Variants in RNF185 observed in about 807,000 individuals in gnomAD.
RNF185 encodes ring finger protein 185, also known as E3 ubiquitin-protein ligase RNF185.
In RNF185, 13 loss-of-function variants were observed where a neutral mutation model predicts 24.9. The ratio of observed to expected loss-of-function variants is 0.52; its 90% confidence interval spans 0.34 to 0.83. RNF185 has a LOEUF of 0.83. Among genes scored for constraint, RNF185 ranks in the 40% least tolerant of loss-of-function variants. The probability of loss-of-function intolerance (pLI) is 0.01; values close to 1 mark genes in which losing one functional copy is unlikely to be tolerated. For missense variants in RNF185, 184 were observed against 244.7 expected, an observed-to-expected ratio of 0.75 and a Z score of 1.65; for synonymous variants, 79 against 90.3, an observed-to-expected ratio of 0.88 and a Z score of 0.71.
intron 3 of RNF185, among the ~76,000 whole-genome samples, chr22:31,193,326 T>C (rs1012607796): frequency 2.0e-5 from 3 of 152,196 alleles, no homozygotes; most frequent in Non-Finnish European, 4.4e-5. Context: ...GGAACAGGGC[T>C]GCACATTCTG....
At chr22:31,182,353 T>C (rs1318128131) in intron 1 of RNF185, among the ~76,000 whole-genome samples, 3 of 152,120 alleles carry the variant, frequency 2.0e-5, no homozygotes, top group Non-Finnish European at 4.4e-5. Flanking sequence ...AGTGGTATAA[T>C]CTTGGCTCAC....
At chr22:31,176,969 G>C (rs1363806920) in intron 1 of RNF185, among the ~76,000 whole-genome samples, 1 of 152,170 alleles carries the variant, frequency 6.6e-6, no homozygotes, top group African/African-American at 2.4e-5. Flanking sequence ...GGAGCCCTTT[G>C]GAAGGTTAGG....
chr22:31,165,550 G>A (rs1204811050), intron 1 of RNF185, among the ~76,000 whole-genome samples: 1 of 152,194 alleles, frequency 6.6e-6, no homozygotes, highest in Admixed American at 6.5e-5. Context: ...GGCAATGCCA[G>A]TATGTCCCTG....
intron 1 of RNF185, among the ~76,000 whole-genome samples, chr22:31,177,001 A>G (rs1168573913): frequency 6.6e-6 from 1 of 152,144 alleles, no homozygotes; most frequent in Non-Finnish European, 1.5e-5. Flanking sequence ...TAGGTACCCT[A>G]TAGGGTATGT....
chr22:31,168,348 C>T (rs2079431), intron 1 of RNF185, among the ~76,000 whole-genome samples: 120,481 of 152,168 alleles, frequency 0.79, 48,641 homozygotes, highest in African/African-American at 0.95. Flanking sequence ...GACTGACTTA[C>T]TTCACCTAAC....
intron 5 of RNF185, among the ~76,000 whole-genome samples, chr22:31,200,126 G>A (rs1242004384): frequency 6.6e-6 from 1 of 152,160 alleles, no homozygotes; most frequent in Admixed American, 6.5e-5. Flanking sequence ...GGAGGCTGAG[G>A]TGGGAGGATC....
chr22:31,166,551 A>G (rs1156451099), intron 1 of RNF185, among the ~76,000 whole-genome samples: 4 of 124,212 alleles, frequency 3.2e-5, no homozygotes, highest in Non-Finnish European at 6.5e-5. Flanking sequence ...AGCCTCTTCT[A>G]TAAGCATTTC....
At chr22:31,180,913 C>CTGTGTGTG (rs751657598) in intron 1 of RNF185, among the ~76,000 whole-genome samples, 7 of 60,862 alleles carry the variant, frequency 1.2e-4, no homozygotes, top group Admixed American at 8.0e-4. Context: ...TTCTCTCTCT[C>CTGTGTGTG]TCTGTGTGTG....
chr22:31,203,805 G>A (rs2048286448), intron 6 of RNF185, among the ~76,000 whole-genome samples: 1 of 152,152 alleles, frequency 6.6e-6, no homozygotes, highest in East Asian at 1.9e-4. Flanking sequence ...GGAGGCTGAG[G>A]TGGGCGGATC....
At chr22:31,195,422 T>A (rs1207175370) in intron 3 of RNF185, 47 bp from the exon 4 acceptor site, 1 of 1,332,424 alleles carries the variant, frequency 7.5e-7, no homozygotes, top group African/African-American at 1.5e-5. Flanking sequence ...CTGATCACTC[T>A]GGTGGGTCTT....
intron 1 of RNF185, among the ~76,000 whole-genome samples, chr22:31,184,036 C>CGG (rs1568966363): frequency 6.7e-6 from 1 of 148,874 alleles, no homozygotes. Flanking sequence ...ACCTCCCGGA[C>CGG]GGGGCGGCTG....
intron 6 of RNF185, among the ~76,000 whole-genome samples, chr22:31,202,698 C>T (rs1444257831): frequency 2.0e-5 from 3 of 149,272 alleles, no homozygotes; most frequent in African/African-American, 4.9e-5. Flanking sequence ...CTGCAAGTTC[C>T]ACCTCCCAGG....
chr22:31,174,179 C>G (rs538704445), intron 1 of RNF185, among the ~76,000 whole-genome samples: 210 of 152,108 alleles, frequency 1.4e-3, no homozygotes, highest in Non-Finnish European at 2.4e-3. Flanking sequence ...AACAAAGGCT[C>G]AGAAAGAAAA....
At chr22:31,169,176 G>A (rs934638707) in intron 1 of RNF185, among the ~76,000 whole-genome samples, 4 of 152,164 alleles carry the variant, frequency 2.6e-5, no homozygotes, top group African/African-American at 9.7e-5. Flanking sequence ...CTCCCAAAGT[G>A]CTGGAATTAC....
rs569278695 is a variant in RNF185 at position 31,196,869 on chromosome 22, C to T, written c.309-67C>T. The T allele has an allele frequency of 1.4e-5, 22 of 1,591,642 alleles. No homozygotes were observed. In the African/African-American group the frequency reaches 2.2e-4, roughly 16 times the overall value. On this transcript the variant is annotated intron_variant, in intron 4 of 6. Coordinates refer to ENST00000326132, the MANE Select transcript of RNF185 (RefSeq NM_152267.4). ...CCCTGACCCTGTTGGTAAAGAGCTC[C>T]AGGTCCTCACAGGGAGCAACTCAAA...
At chr22:31,197,590 CTG>C (rs2048218574) in intron 5 of RNF185, among the ~76,000 whole-genome samples, 2 of 152,216 alleles carry the variant, frequency 1.3e-5, no homozygotes, top group South Asian at 2.1e-4. Context: ...GGGTCTCACT[CTG>C]TAGCCCAGGC....
At chr22:31,204,413 C>A in intron 6 of RNF185, 76 bp from the exon 7 acceptor site, 2 of 841,712 alleles carry the variant, frequency 2.4e-6, no homozygotes, top group South Asian at 2.7e-5. Flanking sequence ...TTGATGCTGT[C>A]AACTTCTGGC....
At chr22:31,196,304 G>A (rs9609237) in intron 4 of RNF185, among the ~76,000 whole-genome samples, 2 of 152,062 alleles carry the variant, frequency 1.3e-5, no homozygotes, top group Non-Finnish European at 2.9e-5. Context: ...CTCTCACCCA[G>A]TTCCCACCAC....
chr22:31,192,581 C>A, intron 2 of RNF185, 103 bp from the exon 3 acceptor site: 1 of 960,776 alleles, frequency 1.0e-6, no homozygotes, highest in African/African-American at 1.6e-5. Context: ...CATTCTGCTA[C>A]TACCACTCCA....
Sources: gnomAD v4.1 joint callset for allele counts (sites outside exome capture counted in the v4.1 genomes callset) on GRCh38, gnomAD v4.1.1 for gene constraint, MANE v1.5 for transcripts, NCBI Gene and HGNC (gene_info 2026-07-23, HGNC 2026-07-21) for gene names.